SEC24A: variants seen among roughly 807,000 people sequenced by gnomAD.
The protein encoded by SEC24A is SEC24 homolog A, COPII component.
In SEC24A, 93 loss-of-function variants were observed where a neutral mutation model predicts 129.4. That is an observed-to-expected ratio of 0.72 (90% CI 0.61 to 0.85). The LOEUF is 0.85. SEC24A is among the 40% of genes least tolerant of loss of function. The pLI is 0.00. For synonymous variants in SEC24A, 460 were observed against 467.3 expected (o/e 0.98, Z 0.20); for missense variants, 1,264 against 1,307.4 (o/e 0.97, Z 0.51).
At chr5:134,712,575 ATTAT>A (rs1229112141) in intron 18 of SEC24A, among the ~76,000 whole-genome samples, 2 of 149,178 alleles carry the variant, frequency 1.3e-5, no homozygotes, top group Non-Finnish European at 3.0e-5. Context: ...TTTAACTCAA[ATTAT>A]TTATTTCTAT....
intron 1 of SEC24A, among the ~76,000 whole-genome samples, chr5:134,656,589 C>A (rs1452407497): frequency 6.6e-6 from 1 of 152,020 alleles, no homozygotes; most frequent in Non-Finnish European, 1.5e-5. Context: ...TCAAGCAATT[C>A]TCCTGCCTCA....
chr5:134,676,591 C>T (rs1035701636), intron 7 of SEC24A, among the ~76,000 whole-genome samples: 2 of 152,030 alleles, frequency 1.3e-5, no homozygotes, highest in Non-Finnish European at 2.9e-5. Context: ...TTATAGGCAT[C>T]TGCCACCACA....
intron 18 of SEC24A, 110 bp downstream of exon 18, chr5:134,708,998 G>A: frequency 3.9e-6 from 4 of 1,022,652 alleles, no homozygotes; most frequent in Non-Finnish European, 5.8e-6. Flanking sequence ...TTGAGTCCAG[G>A]CATTTGAGAC....
chr5:134,723,720 G>T, intron 22 of SEC24A, 50 bp downstream of exon 22: 2 of 1,104,334 alleles, frequency 1.8e-6, no homozygotes, highest in Non-Finnish European at 2.8e-6. Context: ...GTTTGGCCTT[G>T]CCAGGACCTG....
chr5:134,720,863 C>G, intron 20 of SEC24A, 135 bp from the exon 21 acceptor site: 1 of 515,932 alleles, frequency 1.9e-6, no homozygotes. Context: ...GATTACACCA[C>G]TGCACTCCAG....
rs974766886 is a variant in SEC24A, at chr5:134,726,470, G to T, written c.*1376G>T. On this transcript the variant is annotated 3_prime_UTR_variant, in exon 23 of 23. Coordinates refer to ENST00000398844, the MANE Select transcript of SEC24A (RefSeq NM_021982.3). ...GTCTTATATGATCACCAATGGAATA[G>T]TAACTTCCAGGTTTATATCAATATG... The T allele has an allele frequency of 6.6e-6, 1 of 152,552 alleles. No individual in the cohort carries two copies. Among genetic ancestry groups the T allele is most frequent in the African/African-American group, 2.4e-5 (1 of 41,442 alleles). 9.4% of individuals were successfully genotyped at this position (152,552 alleles called of 1,614,324 possible).
chr5:134,697,094 T>A, intron 13 of SEC24A, 32 bp from the exon 14 acceptor site: 1 of 1,268,358 alleles, frequency 7.9e-7, no homozygotes, highest in African/African-American at 1.5e-5. Context: ...AATGATTTTT[T>A]AAAATGTCTC....
intron 8 of SEC24A, among the ~76,000 whole-genome samples, chr5:134,681,784 A>G (rs898816847): frequency 4.6e-5 from 7 of 152,166 alleles, no homozygotes; most frequent in Non-Finnish European, 8.8e-5. Flanking sequence ...AGTGGTAGGT[A>G]TGATGTTAGG....
intron 1 of SEC24A, among the ~76,000 whole-genome samples, chr5:134,660,757 A>G (rs999532469): frequency 2.0e-5 from 3 of 151,880 alleles, no homozygotes; most frequent in Non-Finnish European, 4.4e-5. Flanking sequence ...GGGTTTCACC[A>G]TGTTGCCCAG....
At chr5:134,716,461 T>C (rs1353596839) in intron 19 of SEC24A, among the ~76,000 whole-genome samples, 3 of 141,074 alleles carry the variant, frequency 2.1e-5, no homozygotes, top group African/African-American at 8.0e-5. Context: ...AAAGTGAGAC[T>C]TTGTCTAAAA....
Position 134,661,460 on chromosome 5 carries a change from T to C in SEC24A, c.439T>C (p.Ser147Pro). ...GCAATATAACTATCCATCCACAGCC[T>C]CACAAACAAACCATTGTCCTCGTGC... ...NWQYNYPSTA[S>P]QTNHCPRASS... Residue 147 changes from serine to proline, a missense_variant, in exon 2 of 23, where the codon TCA becomes CCA. Physicochemically the swap from Ser to Pro is moderately conservative, Grantham distance 74. Coordinates refer to ENST00000398844, the MANE Select transcript of SEC24A (RefSeq NM_021982.3). 1 of 1,614,158 alleles carries C rather than the reference T, an allele frequency of 6.2e-7. No individual in the cohort carries two copies.
intron 21 of SEC24A, among the ~76,000 whole-genome samples, chr5:134,722,546 C>T (rs558331603): frequency 6.6e-6 from 1 of 152,138 alleles, no homozygotes; most frequent in African/African-American, 2.4e-5. Context: ...GAGCCAATAT[C>T]ACGCCATTGC....
At chr5:134,652,033 T>C (rs1475961205) in intron 1 of SEC24A, among the ~76,000 whole-genome samples, 1 of 151,350 alleles carries the variant, frequency 6.6e-6, no homozygotes, top group Non-Finnish European at 1.5e-5. Context: ...GCAATTCTCC[T>C]GCCTCAGCCT....
intron 11 of SEC24A, among the ~76,000 whole-genome samples, chr5:134,689,333 A>G (rs1209520713): frequency 6.6e-6 from 1 of 152,252 alleles, no homozygotes; most frequent in African/African-American, 2.4e-5. Flanking sequence ...ATATACTCCA[A>G]AAAATCGAAA....
chr5:134,683,875 CATGCCAA>C, intron 9 of SEC24A, among the ~76,000 whole-genome samples: 1 of 152,282 alleles, frequency 6.6e-6, no homozygotes, highest in South Asian at 2.1e-4. Flanking sequence ...GGTTAAGTGA[CATGCCAA>C]ATTTCACTTA....
chr5:134,649,016 T>C lies in SEC24A; in HGVS notation c.-61T>C. ...CCTCCCTCCGCTTTCAGCAGTGGTCTTTCAGCTCTCTTCTTGTGCGCTGTT... is the reference window on the plus strand; with the variant it reads ...CCTCCCTCCGCTTTCAGCAGTGGTCCTTCAGCTCTCTTCTTGTGCGCTGTT... On this transcript the variant is annotated 5_prime_UTR_variant, in exon 1 of 23. Coordinates refer to ENST00000398844, the MANE Select transcript of SEC24A (RefSeq NM_021982.3). 2 of 1,261,900 alleles carry C rather than the reference T, an allele frequency of 1.6e-6. No homozygotes were observed. Among genetic ancestry groups the C allele is most frequent in the Non-Finnish European group, 2.3e-6 (2 of 884,556 alleles). The allele number at this position is 1,261,900 out of a possible 1,614,324, so 78.2% of individuals were successfully genotyped here.
intron 1 of SEC24A, among the ~76,000 whole-genome samples, chr5:134,654,226 A>G (rs191980013): frequency 1.3e-5 from 2 of 151,396 alleles, no homozygotes; most frequent in Non-Finnish European, 2.9e-5. Context: ...AAAAATATAT[A>G]TATATATTTT....
chr5:134,664,798 T>TC (rs1390245509), intron 2 of SEC24A, among the ~76,000 whole-genome samples: 2 of 124,104 alleles, frequency 1.6e-5, no homozygotes, highest in Admixed American at 7.8e-5. Context: ...TTTTCTTTTT[T>TC]TTTTTTTTTT....
intron 11 of SEC24A, among the ~76,000 whole-genome samples, chr5:134,689,674 T>C (rs939266339): frequency 6.6e-6 from 1 of 150,534 alleles, no homozygotes; most frequent in Non-Finnish European, 1.5e-5. Flanking sequence ...GGCAGGAGAA[T>C]GGCGTGAACT....
Sources: allele counts gnomAD v4.1 joint callset (sites outside exome capture counted in the v4.1 genomes callset), GRCh38; gene constraint gnomAD v4.1.1; transcripts MANE v1.5; gene names NCBI Gene and HGNC (gene_info 2026-07-23, HGNC 2026-07-21).